ADAMTSL1: variants seen among roughly 807,000 people sequenced by gnomAD.
The protein encoded by ADAMTSL1 is ADAMTS-like protein 1.
In ADAMTSL1, 126 loss-of-function variants were observed where a neutral mutation model predicts 201.8. The ratio of observed to expected loss-of-function variants is 0.62; its 90% CI spans 0.54 to 0.72. The LOEUF (loss-of-function observed/expected upper bound fraction) is 0.72, where lower values mean the gene tolerates loss of function less well. Among genes scored for constraint, ADAMTSL1 ranks in the 30% least tolerant of loss-of-function variants. ADAMTSL1 has a pLI of 0.00. For missense variants in ADAMTSL1, 2,679 were observed against 2,277.8 expected (o/e 1.18, Z -3.59); for synonymous variants, 1,121 against 903.4 (o/e 1.24, Z -4.32).
At chr9:18,480,797 G>T (rs763636238) in intron 1 of ADAMTSL1, among the ~76,000 whole-genome samples, 1 of 152,194 alleles carries the variant, frequency 6.6e-6, no homozygotes, top group African/African-American at 2.4e-5. Flanking sequence ...AGTGTGATAA[G>T]TAGTTGGGGG....
Position 18,891,653 on chromosome 9 carries a change from C to T in ADAMTSL1, c.4644-736C>T, listed in dbSNP as rs993912444. ...GAGAGGTATAAGACCTATGGACTGT[C>T]ACGCGGTCACGCCAAGAGATGGAAC... is the stretch of plus-strand genomic sequence containing the variant. On this transcript the variant is annotated intron_variant, in intron 25 of 28. Coordinates refer to ENST00000380548, the MANE Select transcript of ADAMTSL1 (RefSeq NM_001040272.6). 2.0e-5 allele frequency among the ~76,000 whole-genome samples: 3 copies of T among 152,216 alleles called. No homozygotes were observed. In the South Asian group the frequency reaches 6.2e-4, roughly 32 times the overall value.
intron 2 of ADAMTSL1, among the ~76,000 whole-genome samples, chr9:18,316,042 CAT>C (rs1221189294): frequency 3.9e-5 from 6 of 152,182 alleles, no homozygotes; most frequent in Non-Finnish European, 7.3e-5. Context: ...GGAGACATCA[CAT>C]GTCGGTAGGT....
intron 23 of ADAMTSL1, among the ~76,000 whole-genome samples, chr9:18,844,735 G>A (rs1226058062): frequency 6.6e-6 from 1 of 152,230 alleles, no homozygotes; most frequent in Non-Finnish European, 1.5e-5. Context: ...AGCAAGCCTG[G>A]GCAATGGCGG....
intron 2 of ADAMTSL1, among the ~76,000 whole-genome samples, chr9:18,294,912 T>C (rs1219416169): frequency 6.6e-6 from 1 of 152,182 alleles, no homozygotes; most frequent in Non-Finnish European, 1.5e-5. Flanking sequence ...TAGACTTCTA[T>C]GTCCTTCTTC....
chr9:18,478,086 T>A (rs12003267), intron 1 of ADAMTSL1, among the ~76,000 whole-genome samples: 1 of 152,144 alleles, frequency 6.6e-6, no homozygotes, highest in Non-Finnish European at 1.5e-5. Flanking sequence ...TATGTATAAA[T>A]TGGAAAGCAG....
chr9:17,924,429 T>C (rs1468897667), intron 1 of ADAMTSL1, among the ~76,000 whole-genome samples: 1 of 152,182 alleles, frequency 6.6e-6, no homozygotes, highest in Non-Finnish European at 1.5e-5. Flanking sequence ...GTTTGCAGTA[T>C]TCTCTGATGG....
chr9:18,537,369 G>C (rs1309476235), intron 3 of ADAMTSL1, among the ~76,000 whole-genome samples: 1 of 152,204 alleles, frequency 6.6e-6, no homozygotes. Context: ...TTAAGGAGTA[G>C]CAATCCAGAA....
intron 2 of ADAMTSL1, among the ~76,000 whole-genome samples, chr9:18,283,582 G>A (rs1832875047): frequency 7.8e-6 from 1 of 127,718 alleles, no homozygotes; most frequent in South Asian, 2.9e-4. Flanking sequence ...AACCACAGTG[G>A]TTGAAGGAAT....
chr9:17,930,994 G>A (rs925993828), intron 1 of ADAMTSL1, among the ~76,000 whole-genome samples: 12 of 152,198 alleles, frequency 7.9e-5, no homozygotes, highest in Admixed American at 3.9e-4. Context: ...TGCTATTTTC[G>A]TTCCCACATC....
intron 4 of ADAMTSL1, among the ~76,000 whole-genome samples, chr9:18,584,721 G>T (rs915988745): frequency 6.6e-6 from 1 of 152,118 alleles, no homozygotes; most frequent in Non-Finnish European, 1.5e-5. Context: ...TATTTTTGGA[G>T]GAGATTGCCT....
At chr9:18,661,677 A>C (rs1375730826) in intron 8 of ADAMTSL1, among the ~76,000 whole-genome samples, 2 of 152,142 alleles carry the variant, frequency 1.3e-5, no homozygotes, top group South Asian at 2.1e-4. Flanking sequence ...CCAGAGTCTT[A>C]TTATCTGGCT....
chr9:17,922,449 A>G (rs2131295980), intron 1 of ADAMTSL1, among the ~76,000 whole-genome samples: 1 of 152,250 alleles, frequency 6.6e-6, no homozygotes, highest in Non-Finnish European at 1.5e-5. Context: ...CAGATTCCTG[A>G]GCCTCAATCT....
intron 1 of ADAMTSL1, among the ~76,000 whole-genome samples, chr9:18,076,778 T>G (rs562696960): frequency 6.6e-5 from 10 of 152,262 alleles, no homozygotes; most frequent in African/African-American, 2.4e-4. Context: ...GGCTGGGCTA[T>G]GTACATTATT....
chr9:18,243,346 G>C (rs1831139045), intron 2 of ADAMTSL1, among the ~76,000 whole-genome samples: 1 of 152,048 alleles, frequency 6.6e-6, no homozygotes, highest in African/African-American at 2.4e-5. Flanking sequence ...CTCATTGATA[G>C]ATGCTTAACA....
intron 2 of ADAMTSL1, among the ~76,000 whole-genome samples, chr9:18,243,503 T>A (rs2132458989): frequency 6.6e-6 from 1 of 152,124 alleles, no homozygotes; most frequent in Admixed American, 6.6e-5. Flanking sequence ...AACGAATGTC[T>A]TTCTTTGTAA....
At chr9:18,618,977 G>C (rs1825865248) in intron 4 of ADAMTSL1, among the ~76,000 whole-genome samples, 2 of 152,254 alleles carry the variant, frequency 1.3e-5, no homozygotes, top group African/African-American at 4.8e-5. Flanking sequence ...TGAAGAAACG[G>C]CTATGGAAAC....
At position 18,477,105 on chromosome 9, in the gene ADAMTSL1, C is replaced by T. The variant is rs139894827; in HGVS notation, c.63+2810C>T. ...GCTACATAATGCCATTTTCTCAATC[C>T]TCCCATTCTGCTTTCTCGTATTTAT... On this transcript the variant is annotated intron_variant, in intron 1 of 28. Coordinates refer to ENST00000380548, the MANE Select transcript of ADAMTSL1 (RefSeq NM_001040272.6). Among the ~76,000 whole-genome samples, 206 of 152,266 alleles carry T rather than the reference C, an allele frequency of 1.4e-3. 2 individuals carry two copies. The highest frequency in any genetic ancestry group is 4.6e-3 in the African/African-American group (192 of 41,552).
At chr9:17,924,557 A>G (rs1826445116) in intron 1 of ADAMTSL1, among the ~76,000 whole-genome samples, 1 of 150,854 alleles carries the variant, frequency 6.6e-6, no homozygotes, top group Non-Finnish European at 1.5e-5. Flanking sequence ...CCGCATACCT[A>G]CAACTATCTG....
At chr9:18,736,612 A>G (rs1818513199) in intron 15 of ADAMTSL1, among the ~76,000 whole-genome samples, 1 of 152,206 alleles carries the variant, frequency 6.6e-6, no homozygotes, top group Non-Finnish European at 1.5e-5. Flanking sequence ...GCTCTGCATG[A>G]CAAGGTTGGC....
Sources: allele counts gnomAD v4.1 joint callset (sites outside exome capture counted in the v4.1 genomes callset), GRCh38; gene constraint gnomAD v4.1.1; transcripts MANE v1.5; gene names NCBI Gene and HGNC (gene_info 2026-07-23, HGNC 2026-07-21).